NF2: variants seen among roughly 807,000 people sequenced by gnomAD.
NF2 encodes merlin.
A neutral mutation model predicts 83.7 loss-of-function variants in NF2; 8 were observed. The ratio of observed to expected loss-of-function variants is 0.10; its 90% CI spans 0.06 to 0.17. The LOEUF (loss-of-function observed/expected upper bound fraction) is 0.17, where lower values mean the gene tolerates loss of function less well. Among genes scored for constraint, NF2 ranks in the 10% least tolerant of loss-of-function variants. The pLI is 1.00. For missense variants in NF2, 533 were observed against 744.4 expected, an observed-to-expected ratio of 0.72 and a Z score of 3.31; for synonymous variants, 266 against 269.6, an observed-to-expected ratio of 0.99 and a Z score of 0.13.
intron 1 of NF2, among the ~76,000 whole-genome samples, chr22:29,626,901 T>C (rs767450962): frequency 5.3e-5 from 8 of 152,238 alleles, no homozygotes; most frequent in Non-Finnish European, 1.2e-4. Flanking sequence ...TTGTAATCAT[T>C]GCCAATCACT....
At chr22:29,635,014 G>A (rs1455424367) in intron 1 of NF2, among the ~76,000 whole-genome samples, 3 of 152,172 alleles carry the variant, frequency 2.0e-5, no homozygotes, top group African/African-American at 7.2e-5. Context: ...GGCAGAAGTT[G>A]AAGGACAGAT....
intron 15 of NF2, among the ~76,000 whole-genome samples, chr22:29,686,026 T>C (rs978205401): frequency 6.6e-6 from 1 of 152,148 alleles, no homozygotes. Context: ...TACATATGTA[T>C]ACATGCAGCT....
chr22:29,607,758 C>T (rs1405642801), intron 1 of NF2, among the ~76,000 whole-genome samples: 1 of 151,922 alleles, frequency 6.6e-6, no homozygotes, highest in African/African-American at 2.4e-5. Context: ...ATTCACAATA[C>T]TAAAGGAAAA....
intron 1 of NF2, among the ~76,000 whole-genome samples, chr22:29,610,500 G>A (rs930514015): frequency 5.3e-5 from 8 of 151,814 alleles, no homozygotes; most frequent in Non-Finnish European, 1.2e-4. Context: ...AAAATTAGCC[G>A]AGCATGGTGG....
Position 29,671,851 on chromosome 22 carries a change from A to G in NF2, c.1025A>G (p.Glu342Gly), listed in dbSNP as rs2147071802. Reference protein sequence around the residue: ...KQMERQRLAREKQMREEAERT... With the variant: ...KQMERQRLARGKQMREEAERT... ...ATGGAGCGGCAGCGCCTCGCTCGAG[A>G]GAAGCAGATGAGGGAGGAGGCTGAA... Residue 342 changes from glutamate to glycine, a missense_variant, in exon 11 of 16, where the codon GAG (glutamate) becomes GGG (glycine). Glu to Gly is a moderately conservative substitution (Grantham distance 98). Transcript: ENST00000338641. 1 of 1,614,098 alleles carries G rather than the reference A, an allele frequency of 6.2e-7. No homozygotes were observed. Among genetic ancestry groups the G allele is most frequent in the Non-Finnish European group, 8.5e-7 (1 of 1,180,014 alleles).
At chr22:29,645,664 G>A (rs2065963944) in intron 4 of NF2, among the ~76,000 whole-genome samples, 1 of 152,098 alleles carries the variant, frequency 6.6e-6, no homozygotes, top group African/African-American at 2.4e-5. Flanking sequence ...AGCCTCTCAA[G>A]GACACCACCT....
intron 4 of NF2, among the ~76,000 whole-genome samples, chr22:29,642,843 C>G (rs2065849733): frequency 6.6e-6 from 1 of 152,182 alleles, no homozygotes; most frequent in Non-Finnish European, 1.5e-5. Flanking sequence ...TCATCTGCCC[C>G]TGATTGACAT....
intron 15 of NF2, among the ~76,000 whole-genome samples, chr22:29,690,357 A>C (rs2067372894): frequency 6.6e-6 from 1 of 152,186 alleles, no homozygotes; most frequent in African/African-American, 2.4e-5. Context: ...CACCACACAC[A>C]ATTTGGGGAG....
At chr22:29,605,629 T>G (rs1157004033) in intron 1 of NF2, among the ~76,000 whole-genome samples, 1 of 152,052 alleles carries the variant, frequency 6.6e-6, no homozygotes, top group Non-Finnish European at 1.5e-5. Context: ...TTTTTTAAAA[T>G]CAACTATTTA....
chr22:29,612,814 C>T (rs116659302), intron 1 of NF2, among the ~76,000 whole-genome samples: 190 of 152,152 alleles, frequency 1.2e-3, no homozygotes, highest in African/African-American at 4.5e-3. Flanking sequence ...ATTGACAAGT[C>T]TCCAGGCGTA....
chr22:29,659,691 G>C lies in NF2; in HGVS notation c.675+1427G>C, dbSNP rs147174377. On this transcript the variant is annotated intron_variant, in intron 7 of 15. Transcript: ENST00000338641. ...CTCTCTCTGTTTAATCTCTAGGAGTGTTGGAGTCATAATGGTAGGAGGCAG... is the reference window on the plus strand; with the variant it reads ...CTCTCTCTGTTTAATCTCTAGGAGTCTTGGAGTCATAATGGTAGGAGGCAG... Among the ~76,000 whole-genome samples, 954 of 152,276 alleles carry C rather than the reference G, an allele frequency of 6.3e-3. 5 individuals are homozygous for C. The highest frequency in any genetic ancestry group is 0.011 in the Non-Finnish European group (715 of 68,008).
At chr22:29,664,233 A>G (rs1318170458) in intron 8 of NF2, among the ~76,000 whole-genome samples, 1 of 152,010 alleles carries the variant, frequency 6.6e-6, no homozygotes, top group Admixed American at 6.6e-5. Context: ...TTGGCCTTCC[A>G]AAGTGTTGGG....
At chr22:29,652,957 G>A (rs938771021) in intron 4 of NF2, among the ~76,000 whole-genome samples, 2 of 152,088 alleles carry the variant, frequency 1.3e-5, no homozygotes, top group African/African-American at 4.8e-5. Flanking sequence ...GTCTTCCACT[G>A]TCACTCAGGC....
chr22:29,685,374 C>T (rs1326366089), intron 15 of NF2, among the ~76,000 whole-genome samples: 2 of 151,868 alleles, frequency 1.3e-5, no homozygotes, highest in Non-Finnish European at 2.9e-5. Context: ...TCCCAGAGTG[C>T]TGGGATTATA....
Position 29,683,228 on chromosome 22 carries a change from C to T in NF2, c.1737+1627C>T. 5.1e-6 allele frequency: 8 copies of T among 1,565,788 alleles called. No homozygotes were observed. The South Asian group carries it at 7.0e-5, about 14-fold the overall frequency. On this transcript the variant is annotated intron_variant, in intron 15 of 15. Transcript: ENST00000338641. ...AGCATGCTTTGAGTCTAAAAGTAGG[C>T]ACCCACCCTGTGAAGCCAGACCAGC...
chr22:29,671,563 G>A (rs1205976207), intron 10 of NF2, among the ~76,000 whole-genome samples: 1 of 152,062 alleles, frequency 6.6e-6, no homozygotes, highest in Non-Finnish European at 1.5e-5. Flanking sequence ...TTTTCTATCC[G>A]GGTCAAGACT....
At position 29,668,347 on chromosome 22, in the gene NF2, T is replaced by C; in HGVS notation, c.900T>C (p.Cys300=). The stretch of plus-strand genomic sequence containing the variant: ...TGTGGCCACAGATTCTCCAGCTATG[T>C]ATCGGGAACCATGATCTATTTATGA... ...LRVNKLILQL[C]IGNHDLFMRR... Residue 300 remains cysteine, a synonymous_variant, in exon 10 of 16, where the codon TGT becomes TGC. Transcript: ENST00000338641. 6.2e-7 allele frequency: 1 copy of C among 1,613,606 alleles called. No homozygotes were observed. Among genetic ancestry groups the C allele is most frequent in the Non-Finnish European group, 8.5e-7 (1 of 1,179,580 alleles).
intron 3 of NF2, 21 bp from the exon 4 acceptor site, chr22:29,642,181 C>T (rs2146892296): frequency 1.3e-6 from 2 of 1,598,514 alleles, no homozygotes; most frequent in Non-Finnish European, 1.7e-6. Flanking sequence ...AGTATCATGT[C>T]TCCCTTGTTG....
intron 8 of NF2, among the ~76,000 whole-genome samples, chr22:29,664,456 T>C (rs1181707303): frequency 6.6e-6 from 1 of 152,136 alleles, no homozygotes; most frequent in East Asian, 1.9e-4. Context: ...CTGTGCAGAA[T>C]GCCCCTTCAC....
Sources: gnomAD v4.1 joint callset for allele counts (sites outside exome capture counted in the v4.1 genomes callset) on GRCh38, gnomAD v4.1.1 for gene constraint, MANE v1.5 for transcripts, NCBI Gene and HGNC (gene_info 2026-07-23, HGNC 2026-07-21) for gene names.